The following ETS2 variants were observed in gnomAD, a reference collection of about 807,000 sequenced individuals.
ETS2 encodes the protein ETS proto-oncogene 2, transcription factor.
In ETS2, 19 loss-of-function variants were observed where a neutral mutation model predicts 54.9. The observed-to-expected ratio is 0.35, with a 90% CI of 0.24 to 0.51. The LOEUF (loss-of-function observed/expected upper bound fraction) is 0.51, where lower values mean the gene tolerates loss of function less well. Among genes scored for constraint, ETS2 ranks in the 20% least tolerant of loss-of-function variants. The pLI, the probability that ETS2 is intolerant of heterozygous loss-of-function variation, is 0.97. For synonymous variants in ETS2, 219 were observed against 229.3 expected (o/e 0.95, Z 0.41); for missense variants, 417 against 593.0 (o/e 0.70, Z 3.08).
rs985956912 is a variant in ETS2, at chr21:38,823,675, CA to C, written c.*788del. The C allele has an allele frequency of 6.6e-6, 1 of 152,520 alleles. No homozygotes were observed. Among genetic ancestry groups the C allele is most frequent in the African/African-American group, 2.4e-5 (1 of 41,346 alleles). The allele number at this position is 152,520 out of a possible 1,614,324, so 9.4% of individuals were successfully genotyped here. A position where few individuals can be genotyped will look rare whatever the true frequency, so the allele number is the denominator to read the frequency against. ...GGGTTTTCTTGCCTTGGTTGTCTGG[CA>C]AGGACTTTGTACATTTGGGAGTTTT... On this transcript the variant is annotated 3_prime_UTR_variant, in exon 10 of 10. Coordinates refer to ENST00000360938, the MANE Select transcript of ETS2 (RefSeq NM_005239.6).
chr21:38,814,051 G>A lies in ETS2; in HGVS notation c.185-222G>A, dbSNP rs2298560. 0.13 allele frequency among the ~76,000 whole-genome samples: 19,787 copies of A among 152,166 alleles called. 1,473 individuals carry two copies. Among genetic ancestry groups the A allele is most frequent in the Middle Eastern group, 0.17 (51 of 294 alleles). ...CGCTTTGCAAAATAGAATCAAATCT[G>A]AGTTTTATTTTAGATTTTTTTAATA... On this transcript the variant is annotated intron_variant, in intron 3 of 9. Coordinates refer to ENST00000360938, the MANE Select transcript of ETS2 (RefSeq NM_005239.6). This position sits in a 1 kb window ranked among gnomAD's most constrained non-coding sequence, Gnocchi z 4.2.
In ETS2 at chr21:38,813,023, C is replaced by CTTTTTGTCCCTG; in HGVS notation, c.96_97insTTGTCCCTGTTT (p.Phe32_Asp33insLeuSerLeuPhe). On this transcript the variant is annotated inframe_insertion, in exon 3 of 10. Transcript: ENST00000360938. ...TGCAGCGCCAGCCAGCCTTTGACAC[C>CTTTTTGTCCCTG]TTTGATGGGTCCCTGTTTGCTGTTT... 1 of 1,613,880 alleles carries CTTTTTGTCCCTG rather than the reference C, an allele frequency of 6.2e-7. No homozygotes were observed. Among genetic ancestry groups the CTTTTTGTCCCTG allele is most frequent in the Non-Finnish European group, 8.5e-7 (1 of 1,179,788 alleles).
chr21:38,816,946 A>G (rs571287030), intron 5 of ETS2, 62 bp from the exon 6 acceptor site: 45 of 885,730 alleles, frequency 5.1e-5, no homozygotes, highest in African/African-American at 4.9e-4. Context: ...CAGAAAGTCA[A>G]TTTGTTCTGT....
intron 5 of ETS2, among the ~76,000 whole-genome samples, chr21:38,815,234 C>G (rs944406453): frequency 6.6e-6 from 1 of 151,484 alleles, no homozygotes; most frequent in Non-Finnish European, 1.5e-5. Context: ...AAGGTAGTAG[C>G]CTTAGTCACT....
chr21:38,817,140 A>ACTGG, intron 6 of ETS2, 49 bp downstream of exon 6: 1 of 1,246,680 alleles, frequency 8.0e-7, no homozygotes, highest in Non-Finnish European at 1.2e-6. Flanking sequence ...CAGTCTTCCC[A>ACTGG]GTAGACTTGG....
chr21:38,824,068 G>T lies in ETS2; in HGVS notation c.*1179G>T, dbSNP rs2060969268. ...ATTCACTGGAAAAAAAATGTAATTT[G>T]TAAGAAAGCTTTATTTTTATCTCAG... On this transcript the variant is annotated 3_prime_UTR_variant, in exon 10 of 10. Coordinates refer to ENST00000360938, the MANE Select transcript of ETS2 (RefSeq NM_005239.6). 6.6e-6 allele frequency: 1 copy of T among 152,638 alleles called. No individual in the cohort carries two copies. Among genetic ancestry groups the T allele is most frequent in the Admixed American group, 6.5e-5 (1 of 15,280 alleles). The allele number at this position is 152,638 out of a possible 1,614,324, so 9.5% of individuals were successfully genotyped here. A position where few individuals can be genotyped will look rare whatever the true frequency, so the allele number is the denominator to read the frequency against.
At chr21:38,817,135 TTCCC>T in intron 6 of ETS2, 44 bp downstream of exon 6, 1 of 1,279,546 alleles carries the variant, frequency 7.8e-7, no homozygotes, top group Non-Finnish European at 1.1e-6. Context: ...GTCTTCAGTC[TTCCC>T]AGTAGACTTG....
At chr21:38,815,117 C>A (rs2060928041) in intron 5 of ETS2, 136 bp downstream of exon 5, 2 of 748,416 alleles carry the variant, frequency 2.7e-6, no homozygotes, top group Admixed American at 2.3e-5. Flanking sequence ...CCTCAAAATG[C>A]CACTCAAGTG....
At chr21:38,818,086 G>A (rs8134428) in intron 6 of ETS2, among the ~76,000 whole-genome samples, 2,029 of 152,278 alleles carry the variant, frequency 0.013, 36 homozygotes, top group African/African-American at 0.045. Flanking sequence ...TACATGACAC[G>A]TCACTTGGTC....
chr21:38,811,099 G>A (rs915654029), intron 2 of ETS2, among the ~76,000 whole-genome samples: 3 of 152,000 alleles, frequency 2.0e-5, no homozygotes, highest in East Asian at 1.9e-4. Context: ...ATGCTTATGC[G>A]GTTTCTGAAA....
Position 38,824,886 on chromosome 21 carries a change from G to A in ETS2, c.*1997G>A, listed in dbSNP as rs2060973225. 3 of 152,556 alleles carry A rather than the reference G, an allele frequency of 2.0e-5. No individual in the cohort carries two copies. The highest frequency in any genetic ancestry group is 7.2e-5 in the African/African-American group (3 of 41,422). The allele number at this position is 152,556 out of a possible 1,614,324, so 9.5% of individuals were successfully genotyped here. On this transcript the variant is annotated 3_prime_UTR_variant, in exon 10 of 10. Coordinates refer to ENST00000360938, the MANE Select transcript of ETS2 (RefSeq NM_005239.6). ...TAAACCATTGGCATGGTAATAAACA[G>A]ATCTTAAGTATAAAAATTTTGTAAT...
intron 3 of ETS2, among the ~76,000 whole-genome samples, chr21:38,813,736 A>G (rs943614968): frequency 3.9e-5 from 6 of 152,186 alleles, no homozygotes; most frequent in African/African-American, 1.4e-4. Flanking sequence ...AAACGCATAC[A>G]CTGGCGTAAG....
chr21:38,818,722 T>C, intron 7 of ETS2, 76 bp downstream of exon 7: 1 of 1,514,812 alleles, frequency 6.6e-7, no homozygotes, highest in Non-Finnish European at 9.1e-7. Context: ...AACCTCTTAA[T>C]AAATACTTCC....
intron 2 of ETS2, 45 bp from the exon 3 acceptor site, chr21:38,812,958 A>C (rs757574006): frequency 1.5e-6 from 2 of 1,299,654 alleles, no homozygotes; most frequent in Non-Finnish European, 2.2e-6. Flanking sequence ...TAATTCAATC[A>C]GTTTAAATAT....
At position 38,824,305 on chromosome 21, in the gene ETS2, G is replaced by A. The variant is rs1024258145; in HGVS notation, c.*1416G>A. The A allele has an allele frequency of 3.9e-5, 6 of 152,244 alleles. No homozygotes were observed. The highest frequency in any genetic ancestry group is 1.4e-4 in the African/African-American group (6 of 41,452). The allele number at this position is 152,244 out of a possible 1,614,324, so 9.4% of individuals were successfully genotyped here. A position where few individuals can be genotyped will look rare whatever the true frequency, so the allele number is the denominator to read the frequency against. ...TGGACACAGACTATTCTGAGGCACA[G>A]AGCGGGGACTTAAGATGGGAAAGAG... is the stretch of plus-strand genomic sequence containing the variant. On this transcript the variant is annotated 3_prime_UTR_variant, in exon 10 of 10. Coordinates refer to ENST00000360938, the MANE Select transcript of ETS2 (RefSeq NM_005239.6).
chr21:38,818,574 G>A lies in ETS2; in HGVS notation c.739G>A (p.Val247Ile), dbSNP rs138127643. The change falls in exon 7 of 10, where the codon GTC becomes ATC. Residue 247 changes from valine to isoleucine, a missense_variant. By Grantham distance (29) the Val-to-Ile change is conservative (BLOSUM62 3). This residue lies in a region of ETS2 where 326 missense variants were observed against 426.1 expected (regional missense o/e 0.76). Transcript: ENST00000360938. ...QMFPKSRLSS[V>I]SVTYCSVSQD... ...GTTCCCCAAGTCTCGGCTCAGCTCC[G>A]TCAGCGTCACCTACTGCTCTGTCAG... The A allele has an allele frequency of 2.5e-5, 40 of 1,614,124 alleles. No individual in the cohort carries two copies. The African/African-American group carries it at 2.7e-4, about 11-fold the overall frequency.
At chr21:38,822,552 T>C (rs1300395888) in intron 9 of ETS2, 122 bp from the exon 10 acceptor site, 1 of 816,524 alleles carries the variant, frequency 1.2e-6, no homozygotes, top group African/African-American at 1.7e-5. Context: ...GCGGACCTTG[T>C]GTAGGTGTCA....
intron 2 of ETS2, among the ~76,000 whole-genome samples, chr21:38,810,815 C>T (rs1015240423): frequency 4.6e-5 from 7 of 152,146 alleles, no homozygotes; most frequent in South Asian, 4.1e-4. Flanking sequence ...CAAAGTTTAG[C>T]GTCTTGCATA....
Position 38,813,023 on chromosome 21 carries a change from C to T in ETS2, c.93C>T (p.Thr31=). 1 of 1,613,880 alleles carries T rather than the reference C, an allele frequency of 6.2e-7. No individual in the cohort carries two copies. The highest frequency in any genetic ancestry group is 1.1e-5 in the South Asian group (1 of 91,078). ...TGCAGCGCCAGCCAGCCTTTGACACCTTTGATGGGTCCCTGTTTGCTGTTT... is the reference window on the plus strand; with the variant it reads ...TGCAGCGCCAGCCAGCCTTTGACACTTTTGATGGGTCCCTGTTTGCTGTTT... ...GTLKRQPAFD[T]FDGSLFAVFP... The change falls in exon 3 of 10, where the codon ACC becomes ACT. Residue 31 remains threonine, a synonymous_variant. Coordinates refer to ENST00000360938, the MANE Select transcript of ETS2 (RefSeq NM_005239.6).
Sources: allele counts gnomAD v4.1 joint callset (sites outside exome capture counted in the v4.1 genomes callset), GRCh38; gene constraint gnomAD v4.1.1; regional missense constraint gnomAD v4.1.1; non-coding constraint Gnocchi (gnomAD v3.1); transcripts MANE v1.5; gene names NCBI Gene and HGNC (gene_info 2026-07-23, HGNC 2026-07-21).